The following SRGAP3 variants were observed in gnomAD, a reference collection of about 807,000 sequenced individuals.
SRGAP3 encodes the protein SLIT-ROBO Rho GTPase-activating protein 3.
SRGAP3 carries 39 observed loss-of-function variants against 121.1 expected under a neutral mutation model. The observed-to-expected ratio is 0.32, with a 90% CI of 0.25 to 0.42. SRGAP3 has a LOEUF of 0.42. Among genes scored for constraint, SRGAP3 ranks in the 10% least tolerant of loss-of-function variants. The pLI, the probability that SRGAP3 is intolerant of heterozygous loss-of-function variation, is 1.00. For missense variants in SRGAP3, 1,213 were observed against 1,470.6 expected (o/e 0.82, Z 2.86); for synonymous variants, 601 against 570.0 (o/e 1.05, Z -0.77).
chr3:9,015,642 G>A lies in SRGAP3; in HGVS notation c.1768C>T (p.Pro590Ser), dbSNP rs998034723. Residue 590 changes from proline (P) to serine (S), a missense_variant, in exon 15 of 22, where the codon CCA becomes TCA. Pro to Ser is a moderately conservative substitution (Grantham distance 74). Transcript: ENST00000383836. ...TGAAACCTTTCCTTAGGAAAGAGTGGGTTTTCCAGTCCTCGGAAATACAGT... is the reference window on the plus strand; with the variant it reads ...TGAAACCTTTCCTTAGGAAAGAGTGAGTTTTCCAGTCCTCGGAAATACAGT... Reference protein sequence around the residue: ...LKLYFRGLENPLFPKERFQDL... With the variant: ...LKLYFRGLENSLFPKERFQDL... 1 of 1,613,252 alleles carries A rather than the reference G, an allele frequency of 6.2e-7. No homozygotes were observed.
intron 1 of SRGAP3, among the ~76,000 whole-genome samples, chr3:9,338,255 T>G (rs911202679): frequency 6.6e-6 from 1 of 152,150 alleles, no homozygotes; most frequent in Non-Finnish European, 1.5e-5. Context: ...CTTGCATATA[T>G]AGATTCTAAA....
intron 1 of SRGAP3, 109 bp from the exon 2 acceptor site, chr3:9,125,026 A>G (rs1949170248): frequency 7.8e-7 from 1 of 1,283,638 alleles, no homozygotes; most frequent in East Asian, 2.4e-5. Flanking sequence ...CCCTCCTAAC[A>G]CCATCCAGAG....
intron 1 of SRGAP3, among the ~76,000 whole-genome samples, chr3:9,203,176 G>A (rs1437649094): frequency 6.6e-6 from 1 of 152,078 alleles, no homozygotes; most frequent in Non-Finnish European, 1.5e-5. Context: ...TCAAACTGGA[G>A]GGCACCATAT....
In SRGAP3 at chr3:9,297,721, C is replaced by A. The variant is rs1279825969; in HGVS notation, n.442+28289G>T. 3.9e-5 allele frequency among the ~76,000 whole-genome samples: 6 copies of A among 151,956 alleles called. No individual in the cohort carries two copies. The East Asian group carries it at 9.7e-4, about 24-fold the overall frequency. ...GACCAGCCTGGCCAACGTGGTGAAA[C>A]CCCATCTCTACTAAAAATGCAAAAA... On this transcript the variant is annotated intron_variant and non_coding_transcript_variant, in intron 3 of 3. Coordinates refer to the SRGAP3 transcript ENST00000490889.
chr3:9,127,505 C>T (rs1328201517), intron 1 of SRGAP3, among the ~76,000 whole-genome samples: 5 of 152,168 alleles, frequency 3.3e-5, no homozygotes, highest in South Asian at 2.1e-4. Flanking sequence ...TGGAGTGCAG[C>T]GGCCCGATCT....
intron 18 of SRGAP3, among the ~76,000 whole-genome samples, chr3:9,004,006 T>G (rs1177058841): frequency 6.6e-6 from 1 of 152,128 alleles, no homozygotes; most frequent in Non-Finnish European, 1.5e-5. Context: ...AGGAAATCAC[T>G]AAAAACTATT....
chr3:9,171,349 C>T (rs1357781672), intron 1 of SRGAP3, among the ~76,000 whole-genome samples: 2 of 152,246 alleles, frequency 1.3e-5, no homozygotes, highest in African/African-American at 4.8e-5. Context: ...TAAATCCCCA[C>T]TCTGCCACTT....
intron 1 of SRGAP3, among the ~76,000 whole-genome samples, chr3:9,132,787 T>G (rs1453097345): frequency 2.6e-5 from 4 of 152,134 alleles, no homozygotes; most frequent in African/African-American, 9.7e-5. Context: ...TAGACTTTAT[T>G]TTTATAGCAG....
chr3:9,249,725 G>A (rs1231606733), upstream of SRGAP3: 2 of 227,118 alleles, frequency 8.8e-6, no homozygotes, highest in Non-Finnish European at 1.8e-5. Flanking sequence ...TATAACAACT[G>A]ACACATTGTA....
At chr3:9,233,438 T>G (rs1341571454) in intron 1 of SRGAP3, among the ~76,000 whole-genome samples, 1 of 152,184 alleles carries the variant, frequency 6.6e-6, no homozygotes, top group Non-Finnish European at 1.5e-5. Context: ...CTGGCTTTAA[T>G]TTCACCTTAA....
chr3:9,350,568 T>C (rs1217966489), intron 1 of SRGAP3, among the ~76,000 whole-genome samples: 1 of 152,232 alleles, frequency 6.6e-6, no homozygotes, highest in Non-Finnish European at 1.5e-5. Flanking sequence ...AAGTCTGAGT[T>C]GTAACTATGT....
At chr3:9,059,813 G>C (rs956025436) in intron 6 of SRGAP3, 2 of 297,980 alleles carry the variant, frequency 6.7e-6, no homozygotes, top group African/African-American at 4.3e-5. Flanking sequence ...ATGTACACGT[G>C]TCTGGCTGAG....
At chr3:9,110,293 G>A (rs905484393) in intron 2 of SRGAP3, among the ~76,000 whole-genome samples, 1 of 152,060 alleles carries the variant, frequency 6.6e-6, no homozygotes, top group Non-Finnish European at 1.5e-5. Context: ...CAGGTCAAGG[G>A]TGGGGCGGGG....
intron 3 of SRGAP3, among the ~76,000 whole-genome samples, chr3:9,300,370 C>G (rs1955036168): frequency 1.3e-5 from 2 of 151,466 alleles, no homozygotes; most frequent in African/African-American, 4.9e-5. Context: ...TGTCCTTTAC[C>G]CACCTTGCCT....
chr3:9,260,183 C>T (rs1369924302), intron 3 of SRGAP3, among the ~76,000 whole-genome samples: 1 of 152,136 alleles, frequency 6.6e-6, no homozygotes, highest in Non-Finnish European at 1.5e-5. Context: ...CGGGTGCCTA[C>T]ACCACCAGGG....
At chr3:9,326,697 A>C (rs919240339) in intron 2 of SRGAP3, among the ~76,000 whole-genome samples, 1 of 151,958 alleles carries the variant, frequency 6.6e-6, no homozygotes, top group South Asian at 2.1e-4. Flanking sequence ...CATGGAGTTC[A>C]TTTAAATTGT....
At chr3:9,105,142 G>C (rs1307262371) in intron 2 of SRGAP3, among the ~76,000 whole-genome samples, 1 of 152,206 alleles carries the variant, frequency 6.6e-6, no homozygotes, top group African/African-American at 2.4e-5. Flanking sequence ...CTCCCCTGGG[G>C]CTAAGAAATA....
At chr3:9,281,611 CAAAGT>C (rs1954680773) in intron 3 of SRGAP3, among the ~76,000 whole-genome samples, 2 of 152,072 alleles carry the variant, frequency 1.3e-5, no homozygotes, top group Non-Finnish European at 2.9e-5. Context: ...TAAGAATAAA[CAAAGT>C]AATTTATGTA....
intron 3 of SRGAP3, among the ~76,000 whole-genome samples, chr3:9,285,227 G>A (rs943849532): frequency 1.4e-4 from 21 of 152,300 alleles, no homozygotes; most frequent in Admixed American, 4.6e-4. Flanking sequence ...AGCACAGACC[G>A]AAGCACCAGG....
Sources: allele counts gnomAD v4.1 joint callset (sites outside exome capture counted in the v4.1 genomes callset), GRCh38; gene constraint gnomAD v4.1.1; transcripts MANE v1.5; gene names NCBI Gene and HGNC (gene_info 2026-07-23, HGNC 2026-07-21).